Variants in ANK1 observed in about 807,000 individuals in gnomAD.
The protein encoded by ANK1 is ankyrin-1.
ANK1 carries 51 observed loss-of-function variants against 210.4 expected under a neutral mutation model. That is an observed-to-expected ratio of 0.24 (90% CI 0.19 to 0.31). The LOEUF is 0.31. ANK1 is among the 10% of genes least tolerant of loss of function. The probability of loss-of-function intolerance (pLI) is 1.00; values close to 1 mark genes in which losing one functional copy is unlikely to be tolerated. For missense variants in ANK1, 2,051 were observed against 2,504.4 expected, an observed-to-expected ratio of 0.82 and a Z score of 3.86; for synonymous variants, 967 against 1,025.9, an observed-to-expected ratio of 0.94 and a Z score of 1.10.
At chr8:41,707,111 T>C (rs1824801218) in intron 17 of ANK1, among the ~76,000 whole-genome samples, 1 of 151,998 alleles carries the variant, frequency 6.6e-6, no homozygotes, top group South Asian at 2.1e-4. Flanking sequence ...AATAAATAAA[T>C]AAATAATGTA....
In ANK1 at chr8:41,717,024, C is replaced by T; in HGVS notation, c.1333G>A (p.Ala445Thr). ...GCCACTTCCGTGTGCCCGGCTCTGG[C>T]TGCCATGTGTAGCGGGGTCTCCACT... ...VKVETPLHMAARAGHTEVAKY... is the reference protein window; with the variant it reads ...VKVETPLHMATRAGHTEVAKY... The change falls in exon 13 of 43, where the codon GCC (alanine) becomes ACC (threonine). Residue 445 changes from alanine to threonine, a missense_variant. This residue lies in a region of ANK1 where 1,413 missense variants were observed against 1,707.4 expected (regional missense o/e 0.83). Coordinates refer to ENST00000289734, the MANE Select transcript of ANK1 (RefSeq NM_000037.4). 3.1e-6 allele frequency: 5 copies of T among 1,614,250 alleles called. No homozygotes were observed. Among genetic ancestry groups the T allele is most frequent in the Non-Finnish European group, 4.2e-6 (5 of 1,180,046 alleles).
intron 37 of ANK1, among the ~76,000 whole-genome samples, chr8:41,681,079 A>G (rs573262091): frequency 1.3e-5 from 2 of 152,280 alleles, no homozygotes; most frequent in South Asian, 4.2e-4. Flanking sequence ...TTCTGTGCTG[A>G]CCCAGAGGTA....
chr8:41,693,046 G>A (rs900448403), intron 30 of ANK1, 59 bp downstream of exon 30: 65 of 1,539,568 alleles, frequency 4.2e-5, no homozygotes, highest in East Asian at 1.6e-4. Flanking sequence ...AGGCCTGGAC[G>A]GCAGCATAGA....
chr8:41,720,034 A>G (rs1387162406), intron 9 of ANK1, among the ~76,000 whole-genome samples, 176 bp from the exon 10 acceptor site: 2 of 152,096 alleles, frequency 1.3e-5, no homozygotes, highest in Admixed American at 6.5e-5. Flanking sequence ...GACCACAGAC[A>G]TTCTCCTTTC....
chr8:41,737,695 T>C (rs1833779278), intron 2 of ANK1, among the ~76,000 whole-genome samples: 1 of 152,216 alleles, frequency 6.6e-6, no homozygotes, highest in South Asian at 2.1e-4. Context: ...CACTTCCAAG[T>C]CTATTACTGC....
At chr8:41,885,320 A>G (rs1342137019) in intron 1 of ANK1, among the ~76,000 whole-genome samples, 1 of 152,252 alleles carries the variant, frequency 6.6e-6, no homozygotes, top group Non-Finnish European at 1.5e-5. Flanking sequence ...CAACCACACC[A>G]GCTGTAGTCC....
rs745788564 is a variant in ANK1, at chr8:41,704,396, G to C, written c.2174C>G (p.Ala725Gly). Reference protein sequence around the residue: ...KLVKFLLQHQADVNAKTKLGY... With the variant: ...KLVKFLLQHQGDVNAKTKLGY... ...TACCTTGGTCTTGGCATTGACATCT[G>C]CCTGGTGCTGCAGCAGAAACTTCAC... The change falls in exon 19 of 43, where the codon GCA becomes GGA. Residue 725 changes from alanine (A) to glycine (G), a missense_variant. Coordinates refer to ENST00000289734, the MANE Select transcript of ANK1 (RefSeq NM_000037.4). The surrounding 1 kb of genome is among the most constrained non-coding windows in gnomAD (Gnocchi z 4.1). 1 of 1,614,144 alleles carries C rather than the reference G, an allele frequency of 6.2e-7. No homozygotes were observed. The highest frequency in any genetic ancestry group is 1.7e-5 in the Admixed American group (1 of 60,012).
rs1031068662 is a variant in ANK1 at position 41,822,086 on chromosome 8, G to A, written c.127-63949C>T. On this transcript the variant is annotated intron_variant, in intron 1 of 42. Coordinates refer to the ANK1 transcript ENST00000265709. The stretch of plus-strand genomic sequence containing the variant: ...AGAAAGAGAGAGAGAGAGAGAGAGA[G>A]AGAGAGAGAGAGAGAGAGAGAGAGA... Among the ~76,000 whole-genome samples, 168 of 32,810 alleles carry A rather than the reference G, an allele frequency of 5.1e-3. 7 individuals are homozygous for A. The highest frequency in any genetic ancestry group is 0.011 in the African/African-American group (35 of 3,202). The allele number at this position is 32,810 out of a possible 152,430, so 21.5% of individuals were successfully genotyped here. A position where few individuals can be genotyped will look rare whatever the true frequency, so the allele number is the denominator to read the frequency against.
At chr8:41,812,381 C>G (rs1802627652) in intron 1 of ANK1, among the ~76,000 whole-genome samples, 1 of 152,092 alleles carries the variant, frequency 6.6e-6, no homozygotes, top group Non-Finnish European at 1.5e-5. Flanking sequence ...ATAGAGTGTC[C>G]TAAGCTGTAG....
chr8:41,756,969 T>C (rs1219594647), intron 2 of ANK1, among the ~76,000 whole-genome samples: 6 of 152,098 alleles, frequency 3.9e-5, no homozygotes, highest in Admixed American at 3.9e-4. Context: ...TCCGTTTCTG[T>C]GAGGTCCCTA....
chr8:41,865,779 C>T (rs1814310023), intron 1 of ANK1, among the ~76,000 whole-genome samples: 1 of 152,178 alleles, frequency 6.6e-6, no homozygotes, highest in South Asian at 2.1e-4. Flanking sequence ...CCATCCTCCT[C>T]CCACTGCTTT....
chr8:41,667,401 A>G (rs1366724526), intron 39 of ANK1, among the ~76,000 whole-genome samples: 1 of 152,236 alleles, frequency 6.6e-6, no homozygotes, highest in Non-Finnish European at 1.5e-5. Context: ...GTTCATGTAC[A>G]TACTAAACAC....
chr8:41,884,053 C>T (rs1818035250), intron 1 of ANK1, among the ~76,000 whole-genome samples: 1 of 152,188 alleles, frequency 6.6e-6, no homozygotes, highest in South Asian at 2.1e-4. Context: ...TAGGACTTCA[C>T]TAAAGGTGCC....
chr8:41,705,351 G>T (rs570997837), intron 18 of ANK1, among the ~76,000 whole-genome samples: 1 of 152,198 alleles, frequency 6.6e-6, no homozygotes, highest in Non-Finnish European at 1.5e-5. Context: ...AACGGGGCCC[G>T]CAAGTGAAGC....
At chr8:41,711,721 A>G (rs77329165) in intron 16 of ANK1, among the ~76,000 whole-genome samples, 3,729 of 152,220 alleles carry the variant, frequency 0.024, 62 homozygotes, top group African/African-American at 0.05. Context: ...CCTTCCATGT[A>G]TTGATTTACG....
intron 2 of ANK1, among the ~76,000 whole-genome samples, chr8:41,739,521 C>CTTTTTTTTTTTTTTTCTTT (rs1834194152): frequency 1.7e-5 from 2 of 116,120 alleles, no homozygotes; most frequent in Admixed American, 9.0e-5. Context: ...TTTTTTCTTT[C>CTTTTTTTTTTTTTTTCTTT]TTTTTTTTTT....
At chr8:41,837,620 C>T (rs1244150872) in intron 1 of ANK1, among the ~76,000 whole-genome samples, 4 of 152,058 alleles carry the variant, frequency 2.6e-5, no homozygotes, top group African/African-American at 9.7e-5. Flanking sequence ...GCCTGTAATC[C>T]CAGCACTTTG....
intron 39 of ANK1, chr8:41,665,057 C>T (rs1198078510): frequency 1.2e-6 from 2 of 1,608,446 alleles, no homozygotes; most frequent in African/African-American, 2.7e-5. Context: ...CCTCTGGCAG[C>T]CAGGGCCCCG....
At position 41,896,319 on chromosome 8, in the gene ANK1, C is replaced by T. The variant is rs1381295285; in HGVS notation, c.126+36G>A. The T allele has an allele frequency of 5.1e-6, 8 of 1,577,850 alleles. No individual in the cohort carries two copies. In the Admixed American group the frequency reaches 5.3e-5, roughly 11 times the overall value. ...GCCCCCAGCAGCCACTTGCAGGTGC[C>T]GCGGTCGCTGGGCTTTCACCGCCGC... On this transcript the variant is annotated intron_variant, in intron 1 of 42. Coordinates refer to the ANK1 transcript ENST00000265709.
Sources: allele counts gnomAD v4.1 joint callset (sites outside exome capture counted in the v4.1 genomes callset), GRCh38; gene constraint gnomAD v4.1.1; regional missense constraint gnomAD v4.1.1; non-coding constraint Gnocchi (gnomAD v3.1); transcripts MANE v1.5; gene names NCBI Gene and HGNC (gene_info 2026-07-23, HGNC 2026-07-21).